BLM: variants seen among roughly 807,000 people sequenced by gnomAD.
BLM encodes the protein recQ-like DNA helicase BLM.
BLM carries 95 observed loss-of-function variants against 135.3 expected under a neutral mutation model. That is an observed-to-expected ratio of 0.70 (90% CI 0.59 to 0.83). The LOEUF (loss-of-function observed/expected upper bound fraction) is 0.83. Ranked by LOEUF, BLM falls within the 40% of genes least tolerant of loss-of-function variation. BLM has a pLI of 0.00. For missense variants in BLM, 1,518 were observed against 1,663.9 expected (o/e 0.91, Z 1.53); for synonymous variants, 520 against 589.2 (o/e 0.88, Z 1.70).
Position 90,803,546 on chromosome 15 carries a change from A to ATATTTGTATACTT in BLM, c.3384_3385insTATTTGTATACTT (p.Gly1129TyrfsTer23), listed in dbSNP as rs748755103. ...GGAGTAAGAGTGCAAAAATCCAGTC[A>ATATTTGTATACTT]GGTATATTTGGAAAAGGATCTGCTT... is the stretch of plus-strand genomic sequence containing the variant. On this transcript the variant is annotated frameshift_variant, in exon 18 of 22. Transcript: ENST00000355112. LOFTEE classifies it high-confidence loss of function. 6 of 1,613,832 alleles carry ATATTTGTATACTT rather than the reference A, an allele frequency of 3.7e-6. No homozygotes were observed. Among genetic ancestry groups the ATATTTGTATACTT allele is most frequent in the Non-Finnish European group, 5.1e-6 (6 of 1,179,752 alleles).
At chr15:90,771,764 A>C (rs1017885561) in intron 12 of BLM, among the ~76,000 whole-genome samples, 5 of 152,186 alleles carry the variant, frequency 3.3e-5, no homozygotes, top group African/African-American at 1.2e-4. Flanking sequence ...TAGATCAGTT[A>C]CATCAATGGC....
intron 4 of BLM, among the ~76,000 whole-genome samples, chr15:90,753,681 A>T (rs1301850446): frequency 1.3e-5 from 2 of 152,250 alleles, no homozygotes; most frequent in Admixed American, 6.5e-5. Context: ...TTTCAGTTTT[A>T]AAAAATACTG....
intron 1 of BLM, among the ~76,000 whole-genome samples, chr15:90,734,134 T>C (rs76811217): frequency 0.011 from 1,621 of 152,260 alleles, 39 homozygotes; most frequent in African/African-American, 0.037. Flanking sequence ...AATGCAAAGA[T>C]GGTTTAACAT....
chr15:90,761,385 A>G, intron 7 of BLM, 130 bp downstream of exon 7: 1 of 713,892 alleles, frequency 1.4e-6, no homozygotes, highest in Non-Finnish European at 2.1e-6. Context: ...TACTGATGAT[A>G]TGAATTACAA....
At chr15:90,797,414 C>CAAAAAAAAAAAAAAAAAAAA (rs56369282) in intron 16 of BLM, among the ~76,000 whole-genome samples, 3 of 109,576 alleles carry the variant, frequency 2.7e-5, no homozygotes, top group Non-Finnish European at 5.3e-5. Context: ...AACTCCATCT[C>CAAAAAAAAAAAAAAAAAAAA]AAAAAAAAAA....
intron 1 of BLM, 28 bp downstream of exon 1, chr15:90,717,468 C>G (rs1374676282): frequency 6.6e-6 from 1 of 152,262 alleles, no homozygotes; most frequent in Non-Finnish European, 1.5e-5. Context: ...AACTACGGGT[C>G]GGTCCGCATT....
chr15:90,815,463 T>C lies in BLM; in HGVS notation c.*184T>C. The C allele has an allele frequency of 1.4e-6, 1 of 694,514 alleles. No individual in the cohort carries two copies. The highest frequency in any genetic ancestry group is 2.3e-6 in the Non-Finnish European group (1 of 432,282). 43.0% of individuals were successfully genotyped at this position (694,514 alleles called of 1,614,324 possible). A position where few individuals can be genotyped will look rare whatever the true frequency, so the allele number is the denominator to read the frequency against. On this transcript the variant is annotated 3_prime_UTR_variant, in exon 22 of 22. Coordinates refer to ENST00000355112, the MANE Select transcript of BLM (RefSeq NM_000057.4). The surrounding 1 kb of genome is among the most constrained non-coding windows in gnomAD (Gnocchi z 4.6). Reference sequence around the variant, plus strand: ...ATAAACATTTTCTTTTGAATAAGCATGTTTTGCTGCCGCTGCAAGTGTTGT... The same window carrying C: ...ATAAACATTTTCTTTTGAATAAGCACGTTTTGCTGCCGCTGCAAGTGTTGT...
At chr15:90,805,382 A>T (rs1897265721) in intron 19 of BLM, among the ~76,000 whole-genome samples, 4 of 151,982 alleles carry the variant, frequency 2.6e-5, no homozygotes, top group Admixed American at 2.6e-4. Context: ...GAGGCAGGAA[A>T]GTAGCCTGAA....
Position 90,798,244 on chromosome 15 carries a change from C to T in BLM, c.3265C>T (p.Gln1089Ter), listed in dbSNP as rs1406087403. The T allele has an allele frequency of 6.2e-7, 1 of 1,611,066 alleles. No individual in the cohort carries two copies. The highest frequency in any genetic ancestry group is 1.3e-5 in the African/African-American group (1 of 74,812). The change falls in exon 17 of 22, where the codon CAA becomes TAA. Residue 1089 changes from glutamine (Q) to a stop codon, truncating the protein, a stop_gained. Coordinates refer to ENST00000355112, the MANE Select transcript of BLM (RefSeq NM_000057.4). LOFTEE classifies it high-confidence loss of function. ...DDVKSIVRFV[Q>*]EHSSSQGMRN... ...TGTGAAAAGTATTGTAAGATTTGTTCAAGAACATAGTTCATCACAAGGAAT... is the reference window on the plus strand; with the variant it reads ...TGTGAAAAGTATTGTAAGATTTGTTTAAGAACATAGTTCATCACAAGGAAT...
intron 1 of BLM, among the ~76,000 whole-genome samples, chr15:90,732,947 GC>G (rs1378960347): frequency 1.3e-5 from 2 of 152,132 alleles, no homozygotes; most frequent in Non-Finnish European, 2.9e-5. Context: ...CAAAAACTTA[GC>G]CAGGCGTGGT....
chr15:90,763,054 G>T lies in BLM; in HGVS notation c.1971G>T (p.Lys657Asn). Residue 657 changes from lysine to asparagine, a missense_variant, in exon 8 of 22, where the codon AAG (lysine) becomes AAT (asparagine). Around this residue, in one of 5 missense-constraint regions of BLM, gnomAD observed 724 missense variants for 756.9 expected, o/e 0.96. Coordinates refer to ENST00000355112, the MANE Select transcript of BLM (RefSeq NM_000057.4). The stretch of plus-strand genomic sequence containing the variant: ...TTCCTCATACAAAGGAAATGATGAA[G>T]ATTTTTCATAAAAAATTTGGCCTGC... ...LSFPHTKEMM[K>N]IFHKKFGLHN... is the part of the protein sequence containing the mutation. 6.2e-7 allele frequency: 1 copy of T among 1,613,958 alleles called. No homozygotes were observed. Among genetic ancestry groups the T allele is most frequent in the East Asian group, 2.2e-5 (1 of 44,868 alleles).
intron 12 of BLM, among the ~76,000 whole-genome samples, chr15:90,779,621 A>C (rs10468142): frequency 0.015 from 2,301 of 152,304 alleles, 55 homozygotes; most frequent in African/African-American, 0.05. Context: ...AAATGCTGTC[A>C]TAAGAGTGGT....
chr15:90,803,723 A>G lies in BLM; in HGVS notation c.3558+3A>G, dbSNP rs766386042. The G allele has an allele frequency of 1.2e-6, 2 of 1,613,622 alleles. No homozygotes were observed. The highest frequency in any genetic ancestry group is 2.2e-5 in the East Asian group (1 of 44,862). On this transcript the variant is annotated splice_donor_region_variant and intron_variant, in intron 18 of 21. Transcript: ENST00000355112. ...CTGTACTAAATGGCAATTTAAAGGT[A>G]TAGTATTTTTCATGTTTATTTTATT...
At chr15:90,798,097 T>C (rs926457076) in intron 16 of BLM, 93 bp from the exon 17 acceptor site, 11 of 1,155,092 alleles carry the variant, frequency 9.5e-6, no homozygotes, top group Non-Finnish European at 1.3e-5. Flanking sequence ...TGGAAATGGG[T>C]TATGATGAAT....
At chr15:90,725,453 A>T (rs11858632) in intron 1 of BLM, among the ~76,000 whole-genome samples, 4,538 of 151,408 alleles carry the variant, frequency 0.03, 230 homozygotes, top group African/African-American at 0.099. Flanking sequence ...AGTGAAGATG[A>T]GTACCCTGAT....
intron 15 of BLM, among the ~76,000 whole-genome samples, chr15:90,792,058 A>T (rs555980148): frequency 6.6e-6 from 1 of 151,774 alleles, no homozygotes; most frequent in East Asian, 1.9e-4. Flanking sequence ...ATATTTCCTA[A>T]ATATATGTAT....
At chr15:90,787,091 CCAGGCTGG>C (rs546466487) in intron 14 of BLM, among the ~76,000 whole-genome samples, 203 of 131,224 alleles carry the variant, frequency 1.5e-3, no homozygotes, top group African/African-American at 5.8e-3. Context: ...ACTCTGTCGC[CCAGGCTGG>C]AGTGCAGTGG....
chr15:90,750,651 T>G (rs1943016445), intron 3 of BLM, among the ~76,000 whole-genome samples: 1 of 152,206 alleles, frequency 6.6e-6, no homozygotes, highest in South Asian at 2.1e-4. Context: ...TATAGGCATT[T>G]TTTATCATCT....
intron 13 of BLM, 37 bp downstream of exon 13, chr15:90,782,965 C>T (rs755002476): frequency 1.3e-6 from 2 of 1,499,774 alleles, no homozygotes; most frequent in South Asian, 1.1e-5. Flanking sequence ...CTAGAAGTAA[C>T]AAATGTCTTT....
Sources: allele counts gnomAD v4.1 joint callset (sites outside exome capture counted in the v4.1 genomes callset), GRCh38; gene constraint gnomAD v4.1.1; regional missense constraint gnomAD v4.1.1; non-coding constraint Gnocchi (gnomAD v3.1); transcripts MANE v1.5; gene names NCBI Gene and HGNC (gene_info 2026-07-23, HGNC 2026-07-21).